Variants in GPD2 observed in about 807,000 individuals in gnomAD.
GPD2 encodes glycerol-3-phosphate dehydrogenase, mitochondrial.
A neutral mutation model predicts 82.4 loss-of-function variants in GPD2; 54 were observed. The ratio of observed to expected loss-of-function variants is 0.66; its 90% CI spans 0.53 to 0.82. The LOEUF is 0.82. GPD2 is among the 40% of genes least tolerant of loss of function. The pLI, the probability that GPD2 is intolerant of heterozygous loss-of-function variation, is 0.00. For missense variants in GPD2, 748 were observed against 896.2 expected (o/e 0.83, Z 2.11); for synonymous variants, 288 against 306.1 (o/e 0.94, Z 0.62).
At chr2:156,528,338 T>C (rs1308871770) in intron 6 of GPD2, among the ~76,000 whole-genome samples, 1 of 151,996 alleles carries the variant, frequency 6.6e-6, no homozygotes, top group Non-Finnish European at 1.5e-5. Flanking sequence ...GTAAAATTGG[T>C]ATTTTCATTA....
At chr2:156,401,223 G>A in the GPD2 span, among the ~76,000 whole-genome samples, 45 of 152,264 alleles carry the variant, frequency 3.0e-4, no homozygotes, top group Admixed American at 7.2e-4. Flanking sequence ...AATGCTTATA[G>A]CAAATGTGCT....
intron 1 of GPD2, among the ~76,000 whole-genome samples, chr2:156,472,612 G>A (rs946098793): frequency 1.3e-5 from 2 of 152,096 alleles, no homozygotes; most frequent in Admixed American, 1.3e-4. Context: ...GTGAGCCACC[G>A]TGCCCGGCCC....
At position 156,583,438 on chromosome 2, in the gene GPD2, A is replaced by G. The variant is rs1380132255; in HGVS notation, c.*520A>G. ...GTGTTTCTGGAGATTTCTCAGCCCCATCTTCCTCCAGCTTGTCTACCTTCC... is the reference window on the plus strand; with the variant it reads ...GTGTTTCTGGAGATTTCTCAGCCCCGTCTTCCTCCAGCTTGTCTACCTTCC... On this transcript the variant is annotated 3_prime_UTR_variant, in exon 17 of 17. Transcript: ENST00000438166. 1 of 167,476 alleles carries G rather than the reference A, an allele frequency of 6.0e-6. No individual in the cohort carries two copies. The highest frequency in any genetic ancestry group is 2.4e-5 in the African/African-American group (1 of 41,532). 10.4% of individuals were successfully genotyped at this position (167,476 alleles called of 1,614,324 possible).
At chr2:156,436,574 C>T (rs1225388387) in intron 1 of GPD2, 61 bp downstream of exon 1, 1 of 152,286 alleles carries the variant, frequency 6.6e-6, no homozygotes, top group East Asian at 1.9e-4. Flanking sequence ...GGAGTGGTCC[C>T]TTTCTGACCC....
At chr2:156,505,914 T>C (rs1684771217) in intron 3 of GPD2, among the ~76,000 whole-genome samples, 1 of 152,178 alleles carries the variant, frequency 6.6e-6, no homozygotes, top group South Asian at 2.1e-4. Flanking sequence ...GAGGAAACAA[T>C]TTGGATTTTT....
intron 2 of GPD2, among the ~76,000 whole-genome samples, chr2:156,487,768 G>A (rs1480895633): frequency 2.0e-5 from 3 of 152,138 alleles, no homozygotes; most frequent in Admixed American, 2.0e-4. Context: ...CTGACTTTCA[G>A]TGAGCCATCA....
At chr2:156,450,093 G>T (rs1431351643) in intron 1 of GPD2, among the ~76,000 whole-genome samples, 1 of 152,164 alleles carries the variant, frequency 6.6e-6, no homozygotes, top group African/African-American at 2.4e-5. Flanking sequence ...TTGCCTGCTA[G>T]ATTATTTGGA....
intron 7 of GPD2, among the ~76,000 whole-genome samples, chr2:156,550,166 T>G (rs1686703168): frequency 6.6e-6 from 1 of 152,242 alleles, no homozygotes; most frequent in Admixed American, 6.5e-5. Flanking sequence ...ATTTAGATTT[T>G]CATTATTGCC....
At chr2:156,479,021 A>G (rs1189840837) in intron 2 of GPD2, among the ~76,000 whole-genome samples, 1 of 152,192 alleles carries the variant, frequency 6.6e-6, no homozygotes, top group Non-Finnish European at 1.5e-5. Flanking sequence ...CCCAGGACAA[A>G]GCTTCTTCCC....
chr2:156,467,070 A>T (rs1343925303), intron 1 of GPD2, among the ~76,000 whole-genome samples: 1 of 150,890 alleles, frequency 6.6e-6, no homozygotes, highest in Non-Finnish European at 1.5e-5. Flanking sequence ...TATAGTGTTT[A>T]TTTTCTTTCG....
At chr2:156,519,658 T>C (rs2352096) in intron 6 of GPD2, among the ~76,000 whole-genome samples, 106,919 of 152,142 alleles carry the variant, frequency 0.7, 37,740 homozygotes, top group Middle Eastern at 0.82. Flanking sequence ...TTGTGGGATC[T>C]GCAACTGTCC....
At chr2:156,403,980 T>C in the GPD2 span, among the ~76,000 whole-genome samples, 9 of 152,134 alleles carry the variant, frequency 5.9e-5, no homozygotes, top group African/African-American at 2.2e-4. Context: ...ACAAACATAT[T>C]CCTAATATGA....
rs149815550 is a variant in GPD2 at position 156,472,592 on chromosome 2, G to T, written c.-8-3506G>T. ...CCACCTCAGCCTCCCAAAGTGCTGG[G>T]ATTACAGATGTGAGCCACCGTGCCC... On this transcript the variant is annotated intron_variant, in intron 1 of 16. Transcript: ENST00000438166. Among the ~76,000 whole-genome samples the T allele has an allele frequency of 4.2e-3, 644 of 152,244 alleles. 2 individuals carry two copies. Among genetic ancestry groups the T allele is most frequent in the South Asian group, 0.015 (74 of 4,826 alleles).
chr2:156,539,909 C>T (rs1686240825), intron 6 of GPD2, among the ~76,000 whole-genome samples: 1 of 149,428 alleles, frequency 6.7e-6, no homozygotes. Context: ...TTGTAAATTG[C>T]AATTTATAAA....
intron 12 of GPD2, 68 bp from the exon 13 acceptor site, chr2:156,571,066 G>A (rs1687594091): frequency 9.7e-7 from 1 of 1,031,534 alleles, no homozygotes; most frequent in Non-Finnish European, 1.5e-6. Flanking sequence ...TTTTTTTTAA[G>A]TGAAGCTTTA....
chr2:156,429,385 A>T, the GPD2 span, among the ~76,000 whole-genome samples: 1 of 152,200 alleles, frequency 6.6e-6, no homozygotes, highest in Non-Finnish European at 1.5e-5. Context: ...GCTTACCCAC[A>T]CTTTCCTGCT....
chr2:156,448,352 C>A (rs2126460), intron 1 of GPD2, among the ~76,000 whole-genome samples: 87,454 of 151,974 alleles, frequency 0.58, 25,476 homozygotes, highest in East Asian at 0.77. Flanking sequence ...TCGTGATCCA[C>A]CACCTTGGCC....
chr2:156,563,287 T>C (rs1481476842), intron 9 of GPD2, among the ~76,000 whole-genome samples: 2 of 152,178 alleles, frequency 1.3e-5, no homozygotes, highest in Non-Finnish European at 2.9e-5. Context: ...TTGAAAAATA[T>C]TATAATTGAC....
intron 6 of GPD2, among the ~76,000 whole-genome samples, chr2:156,528,562 A>AT (rs1296348098): frequency 6.7e-6 from 1 of 148,206 alleles, no homozygotes; most frequent in Non-Finnish European, 1.5e-5. Flanking sequence ...AGCATTAGGT[A>AT]TATCTCCCAA....
Sources: gnomAD v4.1 joint callset for allele counts (sites outside exome capture counted in the v4.1 genomes callset) on GRCh38, gnomAD v4.1.1 for gene constraint, MANE v1.5 for transcripts, NCBI Gene and HGNC (gene_info 2026-07-23, HGNC 2026-07-21) for gene names.